The following PRH1 variants were observed in gnomAD, a reference collection of about 807,000 sequenced individuals.
PRH1 encodes the protein proline rich protein HaeIII subfamily 1.
PRH1 carries 7 observed loss-of-function variants against 7.9 expected under a neutral mutation model. The ratio of observed to expected loss-of-function variants is 0.89; its 90% confidence interval spans 0.50 to 1.67. The LOEUF (loss-of-function observed/expected upper bound fraction) is 1.67, where lower values mean the gene tolerates loss of function less well. Among genes scored for constraint, PRH1 ranks in the 40% most tolerant of loss-of-function variants. The pLI is 0.00. For missense variants in PRH1, 109 were observed against 223.6 expected, an observed-to-expected ratio of 0.49 and a Z score of 3.27; for synonymous variants, 45 against 80.8, an observed-to-expected ratio of 0.56 and a Z score of 2.38.
Position 11,019,670 on chromosome 12 carries a change from G to A in PRH1, c.-126+27350C>T, listed in dbSNP as rs147319847. Among the ~76,000 whole-genome samples, 346 of 152,394 alleles carry A rather than the reference G, an allele frequency of 2.3e-3. 4 individuals carry two copies. The highest frequency in any genetic ancestry group is 7.9e-3 in the African/African-American group (330 of 41,582). On this transcript the variant is annotated intron_variant, in intron 1 of 3. Coordinates refer to the PRH1 transcript ENST00000539853. The stretch of plus-strand genomic sequence containing the variant: ...TCATAATACAAATATATCATTCATA[G>A]TAGAAAGTGATTAGGTACATTTCCA...
In PRH1 at chr12:11,105,311, G is replaced by A. The variant is rs150577096; in HGVS notation, n.124-58123C>T. 3.4e-3 allele frequency among the ~76,000 whole-genome samples: 521 copies of A among 152,218 alleles called. 4 individuals carry two copies. The highest frequency in any genetic ancestry group is 0.012 in the African/African-American group (489 of 41,546). ...GATTGGTAGTAAATTTATCATGTCT[G>A]AATTTTTTTAAAGGCAAGCCTGATA... On this transcript the variant is annotated intron_variant and non_coding_transcript_variant, in intron 1 of 4. Coordinates refer to the PRH1 transcript ENST00000541977.
chr12:11,072,098 A>G (rs1188804486), intron 1 of PRH1, among the ~76,000 whole-genome samples: 1 of 152,008 alleles, frequency 6.6e-6, no homozygotes, highest in Non-Finnish European at 1.5e-5. Flanking sequence ...CTTCTGTGTA[A>G]CTGGGACTAC....
At chr12:11,102,288 A>T (rs1168446812) in intron 1 of PRH1, among the ~76,000 whole-genome samples, 1 of 152,218 alleles carries the variant, frequency 6.6e-6, no homozygotes, top group Non-Finnish European at 1.5e-5. Context: ...CCTGACTTCA[A>T]ACTATACTAC....
chr12:11,020,496 C>G (rs796085518), intron 1 of PRH1, among the ~76,000 whole-genome samples: 1 of 24,138 alleles, frequency 4.1e-5, no homozygotes, highest in Admixed American at 6.6e-4. Flanking sequence ...CAAGAATTAA[C>G]ACAGTCACAC....
chr12:11,098,599 C>T lies in PRH1; in HGVS notation n.124-51411G>A, dbSNP rs184753436. On this transcript the variant is annotated intron_variant and non_coding_transcript_variant, in intron 1 of 4. Transcript: ENST00000541977. ...AAGTTTTATAACCCAATACATAGAT[C>T]ATATAGCAAATGTCTAAAGTCTTAA... Among the ~76,000 whole-genome samples the T allele has an allele frequency of 2.2e-3, 342 of 152,300 alleles. 2 individuals are homozygous for T. The highest frequency in any genetic ancestry group is 3.6e-3 in the Non-Finnish European group (242 of 68,036).
intron 1 of PRH1, chr12:11,092,267 G>A: frequency 2.5e-6 from 3 of 1,214,550 alleles, no homozygotes; most frequent in Non-Finnish European, 3.5e-6. Context: ...AAATGCTGGT[G>A]TTGTGTCCGG....
intron 1 of PRH1, among the ~76,000 whole-genome samples, chr12:11,157,987 T>C (rs897537402): frequency 1.3e-5 from 2 of 152,188 alleles, no homozygotes; most frequent in Non-Finnish European, 2.9e-5. Flanking sequence ...ATTCTCTGCA[T>C]CAGGGCTTAA....
At chr12:10,918,876 T>G (rs1422825380) in intron 2 of PRH1, among the ~76,000 whole-genome samples, 2 of 152,168 alleles carry the variant, frequency 1.3e-5, no homozygotes. Flanking sequence ...GTATTAAATT[T>G]TTTTCTACTG....
At chr12:11,003,360 A>G (rs1314456851) in intron 1 of PRH1, among the ~76,000 whole-genome samples, 1 of 151,648 alleles carries the variant, frequency 6.6e-6, no homozygotes, top group Non-Finnish European at 1.5e-5. Context: ...GCACAGTAAA[A>G]GGAAAAAAGA....
intron 1 of PRH1, among the ~76,000 whole-genome samples, chr12:10,992,716 A>C (rs903640471): frequency 3.9e-5 from 6 of 152,164 alleles, no homozygotes; most frequent in Non-Finnish European, 8.8e-5. Flanking sequence ...CCAGTCCTGG[A>C]GTATGAGTTT....
intron 1 of PRH1, among the ~76,000 whole-genome samples, chr12:11,132,598 T>G (rs1245880301): frequency 2.0e-5 from 3 of 152,166 alleles, no homozygotes; most frequent in Admixed American, 1.3e-4. Context: ...ATCCCTCTTA[T>G]AGCAGAGATT....
chr12:11,080,623 C>T (rs1458699443), intron 1 of PRH1, among the ~76,000 whole-genome samples: 2 of 99,950 alleles, frequency 2.0e-5, no homozygotes, highest in Non-Finnish European at 4.9e-5. Context: ...TATATCTTAT[C>T]GATTATACAT....
At chr12:11,134,288 T>C (rs755900685) in intron 1 of PRH1, 1 of 1,525,904 alleles carries the variant, frequency 6.6e-7, no homozygotes, top group South Asian at 1.3e-5. Flanking sequence ...TGGTGTAATA[T>C]CACTGGTTGT....
At chr12:10,928,238 T>G (rs907867822) in intron 2 of PRH1, among the ~76,000 whole-genome samples, 1 of 152,156 alleles carries the variant, frequency 6.6e-6, no homozygotes, top group African/African-American at 2.4e-5. Context: ...CTGATGAAAC[T>G]GGTGACATAA....
intron 1 of PRH1, among the ~76,000 whole-genome samples, chr12:10,982,661 A>G (rs1215031640): frequency 2.0e-5 from 3 of 152,164 alleles, no homozygotes; most frequent in Non-Finnish European, 4.4e-5. Flanking sequence ...ATAATATTAC[A>G]TAAAGTGGTA....
At chr12:10,883,566 G>T (rs1344976294) in intron 1 of PRH1, among the ~76,000 whole-genome samples, 1 of 152,144 alleles carries the variant, frequency 6.6e-6, no homozygotes, top group Non-Finnish European at 1.5e-5. Context: ...GTTTATGTTT[G>T]CAAGCCTTCT....
chr12:11,053,850 C>T (rs191455802), intron 1 of PRH1, among the ~76,000 whole-genome samples: 72 of 151,970 alleles, frequency 4.7e-4, no homozygotes, highest in African/African-American at 1.5e-3. Flanking sequence ...GATGGAGTTT[C>T]GCTCTTGTCA....
chr12:11,140,946 G>A (rs1234765514), intron 1 of PRH1, among the ~76,000 whole-genome samples: 1 of 151,952 alleles, frequency 6.6e-6, no homozygotes, highest in Admixed American at 6.6e-5. Context: ...AAGCATTCAA[G>A]GTTTTCTTAG....
intron 1 of PRH1, chr12:11,133,607 C>G (rs1946442966): frequency 1.2e-6 from 2 of 1,614,228 alleles, no homozygotes; most frequent in Admixed American, 3.3e-5. Flanking sequence ...AGATCCTTTG[C>G]CATGGAGCTG....
Sources: allele counts gnomAD v4.1 joint callset (sites outside exome capture counted in the v4.1 genomes callset), GRCh38; gene constraint gnomAD v4.1.1; transcripts MANE v1.5; gene names NCBI Gene and HGNC (gene_info 2026-07-23, HGNC 2026-07-21).